The following RABGAP1L variants were observed in gnomAD, a reference collection of about 807,000 sequenced individuals.
RABGAP1L encodes RAB GTPase activating protein 1 like.
Under a neutral mutation model 137.7 loss-of-function variants are expected in RABGAP1L, and 63 were observed. That is an observed-to-expected ratio of 0.46 (90% CI 0.37 to 0.56). The LOEUF is 0.56. Among genes scored for constraint, RABGAP1L ranks in the 20% least tolerant of loss-of-function variants. The pLI is 0.00. For missense variants in RABGAP1L, 1,095 were observed against 1,244.0 expected (o/e 0.88, Z 1.80); for synonymous variants, 431 against 433.7 (o/e 0.99, Z 0.08).
At chr1:174,164,364 C>T (rs1038529336) in intron 1 of RABGAP1L, among the ~76,000 whole-genome samples, 1 of 152,156 alleles carries the variant, frequency 6.6e-6, no homozygotes, top group Non-Finnish European at 1.5e-5. Flanking sequence ...ATGAAGGACA[C>T]CAGGAGATTG....
At chr1:174,825,300 C>T (rs144817679) in intron 19 of RABGAP1L, among the ~76,000 whole-genome samples, 28 of 152,286 alleles carry the variant, frequency 1.8e-4, no homozygotes, top group Middle Eastern at 3.4e-3. Flanking sequence ...AGAAGCGTCA[C>T]GTTCTCATTG....
chr1:174,886,809 ATTCTTTTTTTT>A (rs1655226663), intron 19 of RABGAP1L, among the ~76,000 whole-genome samples: 1 of 126,838 alleles, frequency 7.9e-6, no homozygotes, highest in Non-Finnish European at 1.6e-5. Context: ...CCACCATTTA[ATTCTTTTTTTT>A]TTCTTTTTTT....
intron 1 of RABGAP1L, among the ~76,000 whole-genome samples, chr1:174,170,237 TTGAG>T (rs1376858357): frequency 3.3e-5 from 5 of 152,174 alleles, no homozygotes; most frequent in Non-Finnish European, 7.3e-5. Context: ...TGAGCTAATA[TTGAG>T]TGTTTACATG....
chr1:174,849,826 A>C (rs1016239981), intron 19 of RABGAP1L: 2 of 553,788 alleles, frequency 3.6e-6, no homozygotes, highest in African/African-American at 3.8e-5. Context: ...TCTACAATGG[A>C]AATTTTGCCT....
chr1:174,366,000 C>G, intron 11 of RABGAP1L, among the ~76,000 whole-genome samples: 1 of 150,942 alleles, frequency 6.6e-6, no homozygotes, highest in Non-Finnish European at 1.5e-5. Flanking sequence ...CAATGTAACT[C>G]TATTATAAAT....
At chr1:174,389,221 G>A in intron 12 of RABGAP1L, among the ~76,000 whole-genome samples, 1 of 151,880 alleles carries the variant, frequency 6.6e-6, no homozygotes, top group Non-Finnish European at 1.5e-5. Context: ...CATTATTGCG[G>A]GATGGAGAAA....
At chr1:174,180,961 T>A (rs1666300947) in intron 1 of RABGAP1L, among the ~76,000 whole-genome samples, 1 of 152,192 alleles carries the variant, frequency 6.6e-6, no homozygotes, top group Non-Finnish European at 1.5e-5. Flanking sequence ...ATATGTGAAG[T>A]GGGCACTTCT....
At chr1:174,703,265 C>A (rs1020760972) in intron 17 of RABGAP1L, among the ~76,000 whole-genome samples, 2 of 152,136 alleles carry the variant, frequency 1.3e-5, no homozygotes, top group Non-Finnish European at 1.5e-5. Context: ...TCCCCTACCC[C>A]CCTCTCACTG....
intron 7 of RABGAP1L, among the ~76,000 whole-genome samples, chr1:174,270,408 CT>C (rs1252246769): frequency 1.3e-5 from 2 of 152,046 alleles, no homozygotes; most frequent in African/African-American, 4.8e-5. Context: ...TAAACTTTAA[CT>C]TTTATTATAG....
intron 20 of RABGAP1L, among the ~76,000 whole-genome samples, chr1:174,960,422 T>C (rs1668987170): frequency 6.6e-6 from 1 of 152,162 alleles, no homozygotes; most frequent in African/African-American, 2.4e-5. Context: ...CATGGTTAGG[T>C]TATATCGCTG....
chr1:174,956,533 C>T (rs914578468), intron 19 of RABGAP1L, among the ~76,000 whole-genome samples: 1 of 152,008 alleles, frequency 6.6e-6, no homozygotes, highest in Admixed American at 6.6e-5. Flanking sequence ...GTTTAGATGA[C>T]TTTCTATTAT....
chr1:174,370,928 CTACTG>C, intron 11 of RABGAP1L, 46 bp from the exon 12 acceptor site: 1 of 947,234 alleles, frequency 1.1e-6, no homozygotes, highest in South Asian at 2.4e-5. Context: ...TATAAAGTAT[CTACTG>C]TAATATATAA....
In RABGAP1L at chr1:174,250,525, A is replaced by G. The variant is rs779270087; in HGVS notation, c.768A>G (p.Arg256=). 1 of 1,613,782 alleles carries G rather than the reference A, an allele frequency of 6.2e-7. No individual in the cohort carries two copies. The change falls in exon 6 of 26, where the codon AGA becomes AGG. Residue 256 remains arginine (R), a synonymous_variant. Coordinates refer to ENST00000681986, the MANE Select transcript of RABGAP1L (RefSeq NM_001366446.1). ...SFCTAFKRSS[R]QVSDVKDSVI... The stretch of plus-strand genomic sequence containing the variant: ...GTACAGCATTCAAACGTTCTTCCAG[A>G]CAAGTGTCTGATGTTAAAGACTCAG...
intron 11 of RABGAP1L, among the ~76,000 whole-genome samples, chr1:174,312,961 T>C (rs138526548): frequency 6.6e-6 from 1 of 152,340 alleles, no homozygotes; most frequent in East Asian, 1.9e-4. Flanking sequence ...TCTATGTGTC[T>C]GTTTTTATGC....
intron 19 of RABGAP1L, chr1:174,892,677 T>C: frequency 1.9e-6 from 1 of 531,136 alleles, no homozygotes; most frequent in Admixed American, 2.0e-5. Context: ...GGTCCATCAC[T>C]TGCAAACGTG....
intron 1 of RABGAP1L, among the ~76,000 whole-genome samples, chr1:174,204,257 T>C (rs1166300230): frequency 6.6e-6 from 1 of 152,204 alleles, no homozygotes; most frequent in Non-Finnish European, 1.5e-5. Flanking sequence ...GGCCTGTACA[T>C]TGATTTTGTA....
At chr1:174,536,593 A>C (rs1471466114) in intron 13 of RABGAP1L, among the ~76,000 whole-genome samples, 1 of 152,168 alleles carries the variant, frequency 6.6e-6, no homozygotes, top group African/African-American at 2.4e-5. Flanking sequence ...AAATACATAA[A>C]AATTTTTAGA....
At chr1:174,887,390 C>T (rs1655339915) in intron 19 of RABGAP1L, among the ~76,000 whole-genome samples, 1 of 152,132 alleles carries the variant, frequency 6.6e-6, no homozygotes, top group Admixed American at 6.5e-5. Flanking sequence ...CAAAAAATGA[C>T]ATATACTCAT....
intron 19 of RABGAP1L, among the ~76,000 whole-genome samples, chr1:174,942,699 T>C (rs1558261725): frequency 6.6e-6 from 1 of 152,232 alleles, no homozygotes; most frequent in Non-Finnish European, 1.5e-5. Context: ...TAGGAAGTGC[T>C]GGATGTGTTT....
Sources: gnomAD v4.1 joint callset for allele counts (sites outside exome capture counted in the v4.1 genomes callset) on GRCh38, gnomAD v4.1.1 for gene constraint, MANE v1.5 for transcripts, NCBI Gene and HGNC (gene_info 2026-07-23, HGNC 2026-07-21) for gene names.